Variants in LINC00632 observed in about 807,000 individuals in gnomAD.
LINC00632 encodes ALDOA related specific transcript.
intron 3 of LINC00632, among the ~76,000 whole-genome samples, chrX:140,742,278 AACC>A (rs1032007545): frequency 1.8e-5 from 2 of 111,513 alleles, no homozygotes; most frequent in African/African-American, 6.5e-5. Flanking sequence ...TATCTTGAAA[AACC>A]ACCAATTGCA....
exon 5 of LINC00632, among the ~76,000 whole-genome samples, chrX:140,787,410 A>G (rs187450649): frequency 1.1e-3 from 124 of 111,718 alleles, no homozygotes; most frequent in African/African-American, 3.9e-3. Flanking sequence ...TCCATCTCCT[A>G]TTGGTGAGCA....
At chrX:140,786,482 G>C (rs996908694) in exon 5 of LINC00632, among the ~76,000 whole-genome samples, 2 of 111,575 alleles carry the variant, frequency 1.8e-5, no homozygotes, top group Non-Finnish European at 3.8e-5. Flanking sequence ...ATATAGCCTT[G>C]TGACTTAAAT....
At chrX:140,721,321 C>A (rs1013482679) in intron 2 of LINC00632, among the ~76,000 whole-genome samples, 1 of 111,513 alleles carries the variant, frequency 9.0e-6, no homozygotes, top group Non-Finnish European at 1.9e-5. Context: ...CACCAGAGCA[C>A]GCCTTACAGC....
At chrX:140,744,197 C>T (rs2281414) in intron 3 of LINC00632, among the ~76,000 whole-genome samples, 51,796 of 109,441 alleles carry the variant, frequency 0.47, 9,363 homozygotes, top group South Asian at 0.74. Flanking sequence ...TGATCTGTTA[C>T]TGGTTCAGAT....
At chrX:140,727,344 C>T (rs1182384305) in intron 2 of LINC00632, among the ~76,000 whole-genome samples, 3 of 111,857 alleles carry the variant, frequency 2.7e-5, no homozygotes, top group African/African-American at 9.8e-5. Flanking sequence ...CAGGCCGGAG[C>T]GCAGTGGCGT....
intron 2 of LINC00632, among the ~76,000 whole-genome samples, chrX:140,722,655 T>C (rs1930749406): frequency 9.0e-6 from 1 of 110,909 alleles, no homozygotes; most frequent in Non-Finnish European, 1.9e-5. Context: ...ACACGCCTTA[T>C]ATCACCCAGT....
chrX:140,772,507 G>A, exon 4 of LINC00632: 1 of 292,341 alleles, frequency 3.4e-6, no homozygotes, highest in African/African-American at 2.7e-5. Flanking sequence ...AAAAGAACAA[G>A]GAGAGGGATG....
intron 2 of LINC00632, among the ~76,000 whole-genome samples, chrX:140,725,015 TAC>T (rs1358225306): frequency 3.0e-3 from 10 of 3,348 alleles, no homozygotes; most frequent in South Asian, 0.027. Flanking sequence ...CACACATTCA[TAC>T]ACACACACAT....
intron 3 of LINC00632, among the ~76,000 whole-genome samples, chrX:140,734,758 TC>T (rs939230894): frequency 1.2e-5 from 1 of 84,404 alleles, no homozygotes; most frequent in Non-Finnish European, 2.2e-5. Context: ...TGGAAATACA[TC>T]TTTTTTTTTT....
intron 3 of LINC00632, among the ~76,000 whole-genome samples, chrX:140,745,252 G>T (rs1206607522): frequency 9.1e-6 from 1 of 109,983 alleles, no homozygotes; most frequent in Non-Finnish European, 1.9e-5. Context: ...ATATTCATTA[G>T]ATAACTCTTC....
chrX:140,751,681 T>A, intron 3 of LINC00632, among the ~76,000 whole-genome samples: 1 of 111,990 alleles, frequency 8.9e-6, no homozygotes, highest in Non-Finnish European at 1.9e-5. Context: ...AGTCCACTAC[T>A]ACTTTATTAA....
At chrX:140,747,668 G>A (rs1490328213) in intron 3 of LINC00632, among the ~76,000 whole-genome samples, 2 of 111,350 alleles carry the variant, frequency 1.8e-5, no homozygotes, top group African/African-American at 6.5e-5. Context: ...AGCTGGCAGT[G>A]GGCTAGGATG....
At chrX:140,773,755 T>TA (rs1931838832) in exon 4 of LINC00632, among the ~76,000 whole-genome samples, 1 of 112,076 alleles carries the variant, frequency 8.9e-6, no homozygotes, top group African/African-American at 3.2e-5. Context: ...TCAAGTCATC[T>TA]CCATTACCCC....
intron 3 of LINC00632, among the ~76,000 whole-genome samples, chrX:140,742,877 G>GAGAGAGAAAGGAAGGAAGGAAGGA (rs1209141726): frequency 5.3e-5 from 5 of 94,436 alleles, no homozygotes; most frequent in African/African-American, 1.6e-4. Context: ...GAGAGAGAGA[G>GAGAGAGAAAGGAAGGAAGGAAGGA]AGGAAGGAAG....
chrX:140,751,959 T>G (rs1408956753), intron 3 of LINC00632, among the ~76,000 whole-genome samples: 5 of 111,394 alleles, frequency 4.5e-5, no homozygotes, highest in Non-Finnish European at 9.4e-5. Context: ...TCCTTCACCT[T>G]TGCCACAACC....
At chrX:140,760,509 G>A (rs1931580250) in intron 3 of LINC00632, among the ~76,000 whole-genome samples, 1 of 111,531 alleles carries the variant, frequency 9.0e-6, no homozygotes, top group Non-Finnish European at 1.9e-5. Context: ...GGTGGCTCAC[G>A]CTTGTAATCC....
chrX:140,717,536 G>A (rs981349053), intron 2 of LINC00632, among the ~76,000 whole-genome samples: 1 of 110,648 alleles, frequency 9.0e-6, no homozygotes, highest in Non-Finnish European at 1.9e-5. Flanking sequence ...AGACTTGCAC[G>A]AAAACACCCA....
At chrX:140,741,996 G>A (rs760180865) in intron 3 of LINC00632, among the ~76,000 whole-genome samples, 1 of 111,737 alleles carries the variant, frequency 8.9e-6, no homozygotes, top group Non-Finnish European at 1.9e-5. Context: ...CTGTCCCTTC[G>A]GCATTGCTGG....
At chrX:140,781,715 G>A (rs1025311939) in exon 5 of LINC00632, among the ~76,000 whole-genome samples, 3 of 111,412 alleles carry the variant, frequency 2.7e-5, no homozygotes, top group East Asian at 2.8e-4. Context: ...TTGATTTGGC[G>A]TTAGAGCAGG....
Sources: gnomAD v4.1 joint callset for allele counts (sites outside exome capture counted in the v4.1 genomes callset) on GRCh38, gnomAD v4.1.1 for gene constraint, MANE v1.5 for transcripts, NCBI Gene and HGNC (gene_info 2026-07-23, HGNC 2026-07-21) for gene names.